Variants in OBI1 observed in about 807,000 individuals in gnomAD.
OBI1 encodes the protein ORC ubiquitin ligase 1.
A neutral mutation model predicts 62.4 loss-of-function variants in OBI1; 59 were observed. The ratio of observed to expected loss-of-function variants is 0.95; its 90% CI spans 0.77 to 1.17. The LOEUF is 1.17. Among genes scored for constraint, OBI1 ranks in the 50% most tolerant of loss-of-function variants. The probability of loss-of-function intolerance (pLI) is 0.00; values close to 1 mark genes in which losing one functional copy is unlikely to be tolerated. For missense variants in OBI1, 875 were observed against 830.9 expected (o/e 1.05, Z -0.65); for synonymous variants, 302 against 292.8 (o/e 1.03, Z -0.32).
At chr13:78,623,296 A>G (rs1312564327) in intron 5 of OBI1, among the ~76,000 whole-genome samples, 1 of 151,804 alleles carries the variant, frequency 6.6e-6, no homozygotes. Flanking sequence ...AGGAAAGTGA[A>G]CTTTTGGCTG....
intron 3 of OBI1, among the ~76,000 whole-genome samples, chr13:78,640,748 C>T (rs576446743): frequency 6.6e-6 from 1 of 152,130 alleles, no homozygotes; most frequent in East Asian, 1.9e-4. Flanking sequence ...TGCAGTGAGC[C>T]GAGATCATGC....
At chr13:78,657,781 G>A (rs1421462849) in intron 1 of OBI1, among the ~76,000 whole-genome samples, 2 of 152,168 alleles carry the variant, frequency 1.3e-5, no homozygotes, top group African/African-American at 2.4e-5. Flanking sequence ...CATATTTCCA[G>A]GAACTTTATG....
In OBI1 at chr13:78,615,112, C is replaced by G; in HGVS notation, c.*468G>C. On this transcript the variant is annotated 3_prime_UTR_variant, in exon 6 of 6. Coordinates refer to ENST00000282003, the MANE Select transcript of OBI1 (RefSeq NM_024546.4). Reference sequence around the variant, plus strand: ...AAAATAATTTCCACCCTGGGAAAAGCTTAAACTCAAGTGTCTTATTGAGCA... The same window carrying G: ...AAAATAATTTCCACCCTGGGAAAAGGTTAAACTCAAGTGTCTTATTGAGCA... The G allele has an allele frequency of 6.6e-6, 1 of 152,140 alleles. No individual in the cohort carries two copies. The highest frequency in any genetic ancestry group is 1.5e-5 in the Non-Finnish European group (1 of 68,108). 9.4% of individuals were successfully genotyped at this position (152,140 alleles called of 1,614,324 possible).
At chr13:78,631,291 A>G (rs557840502) in intron 5 of OBI1, among the ~76,000 whole-genome samples, 1 of 152,324 alleles carries the variant, frequency 6.6e-6, no homozygotes, top group East Asian at 1.9e-4. Context: ...TCATAAAACA[A>G]TTACACAAAG....
intron 4 of OBI1, among the ~76,000 whole-genome samples, chr13:78,636,250 AGTC>A (rs1457995961): frequency 6.6e-6 from 1 of 152,168 alleles, no homozygotes; most frequent in African/African-American, 2.4e-5. Context: ...TAAATTTTAG[AGTC>A]TTCTTAGAAG....
At position 78,616,217 on chromosome 13, in the gene OBI1, C is replaced by T. The variant is rs758184483; in HGVS notation, c.1544G>A (p.Arg515His). The change falls in exon 6 of 6, where the codon CGC (arginine) becomes CAC (histidine). Residue 515 changes from arginine to histidine, a missense_variant. Coordinates refer to ENST00000282003, the MANE Select transcript of OBI1 (RefSeq NM_024546.4). ...TCTTGTCCGGTTCATTTCAAAAGAG[C>T]GAATAGAATTCAACCTTTTGGATAA... The part of the protein sequence containing the change: ...LCLSKRLNSI[R>H]SFEMNRTRTS... 5.0e-6 allele frequency: 8 copies of T among 1,613,832 alleles called. No individual in the cohort carries two copies. The highest frequency in any genetic ancestry group is 2.2e-5 in the East Asian group (1 of 44,872).
intron 1 of OBI1, among the ~76,000 whole-genome samples, chr13:78,658,563 G>A (rs1466933688): frequency 6.6e-6 from 1 of 152,176 alleles, no homozygotes; most frequent in Non-Finnish European, 1.5e-5. Flanking sequence ...AAGGCAAAAG[G>A]TCTTGGAAAT....
rs140559433 is a variant in OBI1, at chr13:78,637,227, T to C, written c.549+1596A>G. Among the ~76,000 whole-genome samples, 932 of 152,354 alleles carry C rather than the reference T, an allele frequency of 6.1e-3. 7 individuals carry two copies. Among genetic ancestry groups the C allele is most frequent in the Middle Eastern group, 0.017 (5 of 294 alleles). On this transcript the variant is annotated intron_variant, in intron 4 of 5. Transcript: ENST00000282003. ...TCTTTTGTATTCCTGTATTTGATTA[T>C]GTTGAGTATGTTATTACTCCACACT...
chr13:78,618,753 A>T (rs1270801964), intron 5 of OBI1, among the ~76,000 whole-genome samples: 1 of 152,184 alleles, frequency 6.6e-6, no homozygotes, highest in African/African-American at 2.4e-5. Flanking sequence ...AACTATAATA[A>T]CAAGCCTCCC....
intron 5 of OBI1, among the ~76,000 whole-genome samples, chr13:78,627,769 T>C (rs1392242690): frequency 6.6e-6 from 1 of 152,234 alleles, no homozygotes; most frequent in Non-Finnish European, 1.5e-5. Context: ...AAGATTTATA[T>C]TATTTTGTCT....
chr13:78,657,031 C>G (rs1169833513), intron 1 of OBI1, among the ~76,000 whole-genome samples: 1 of 151,736 alleles, frequency 6.6e-6, no homozygotes, highest in Non-Finnish European at 1.5e-5. Context: ...GCGATCTGCC[C>G]GCCTCGGCCT....
intron 5 of OBI1, among the ~76,000 whole-genome samples, chr13:78,632,152 T>C (rs1277911499): frequency 6.6e-6 from 1 of 151,996 alleles, no homozygotes; most frequent in Non-Finnish European, 1.5e-5. Context: ...TAGGAAGCAA[T>C]TAAGGCTAAA....
chr13:78,633,881 C>A (rs1263525964), intron 5 of OBI1, among the ~76,000 whole-genome samples: 1 of 151,954 alleles, frequency 6.6e-6, no homozygotes, highest in Non-Finnish European at 1.5e-5. Flanking sequence ...TCTTGGCTAA[C>A]ACGGTGAAAC....
At chr13:78,658,527 C>G (rs1876778987) in intron 1 of OBI1, among the ~76,000 whole-genome samples, 1 of 152,146 alleles carries the variant, frequency 6.6e-6, no homozygotes, top group African/African-American at 2.4e-5. Context: ...GAATTCAGAG[C>G]AAAGGTCATC....
intron 5 of OBI1, among the ~76,000 whole-genome samples, chr13:78,620,184 A>T (rs149063262): frequency 1.5e-3 from 231 of 152,316 alleles, no homozygotes; most frequent in African/African-American, 5.4e-3. Context: ...AGGGCAATTT[A>T]CCTTATTATA....
intron 1 of OBI1, among the ~76,000 whole-genome samples, chr13:78,657,843 C>T (rs1356451000): frequency 2.6e-5 from 4 of 152,176 alleles, no homozygotes; most frequent in Admixed American, 2.6e-4. Context: ...TCTTCCCTCC[C>T]CCTAGCCGTG....
At chr13:78,618,958 T>G (rs1033315922) in intron 5 of OBI1, among the ~76,000 whole-genome samples, 1 of 152,222 alleles carries the variant, frequency 6.6e-6, no homozygotes, top group African/African-American at 2.4e-5. Context: ...TTGTAACTAC[T>G]CTGGCATAAT....
At chr13:78,643,367 C>T (rs9593349) in intron 2 of OBI1, among the ~76,000 whole-genome samples, 56,027 of 152,032 alleles carry the variant, frequency 0.37, 10,650 homozygotes, top group African/African-American at 0.39. Context: ...AGCAGAGAAC[C>T]AGTCCTCTAC....
intron 3 of OBI1, among the ~76,000 whole-genome samples, 159 bp from the exon 4 acceptor site, chr13:78,639,230 T>C (rs1358358459): frequency 6.6e-6 from 1 of 152,258 alleles, no homozygotes; most frequent in African/African-American, 2.4e-5. Flanking sequence ...GAAAGTCACA[T>C]ACAGTTTAAA....
Sources: gnomAD v4.1 joint callset for allele counts (sites outside exome capture counted in the v4.1 genomes callset) on GRCh38, gnomAD v4.1.1 for gene constraint, MANE v1.5 for transcripts, NCBI Gene and HGNC (gene_info 2026-07-23, HGNC 2026-07-21) for gene names.